ZNF584: variants seen among roughly 807,000 people sequenced by gnomAD.
ZNF584 encodes the protein zinc finger protein 584.
In ZNF584, 12 loss-of-function variants were observed where a neutral mutation model predicts 14.7. The ratio of observed to expected loss-of-function variants is 0.82; its 90% confidence interval spans 0.52 to 1.32. The LOEUF (loss-of-function observed/expected upper bound fraction) is 1.32, where lower values mean the gene tolerates loss of function less well. Among genes scored for constraint, ZNF584 ranks in the 40% most tolerant of loss-of-function variants. The pLI is 0.00. For synonymous variants in ZNF584, 204 were observed against 190.9 expected, an observed-to-expected ratio of 1.07 and a Z score of -0.57; for missense variants, 478 against 518.8, an observed-to-expected ratio of 0.92 and a Z score of 0.76.
At chr19:58,410,546 T>TTTTTTTTTTTTTTTTTTTTTGAGACAG (rs1568584382) in intron 2 of ZNF584, among the ~76,000 whole-genome samples, 1 of 62,510 alleles carries the variant, frequency 1.6e-5, no homozygotes, top group Non-Finnish European at 2.7e-5. Context: ...TATATATATA[T>TTTTTTTTTTTTTTTTTTTTTGAGACAG]ATATATATAT....
upstream of ZNF584, chr19:58,405,627 G>A (rs1294998052): frequency 3.4e-5 from 6 of 177,600 alleles, no homozygotes; most frequent in Non-Finnish European, 7.1e-5. Context: ...TCACTTCTCA[G>A]ACGGGGCAGT....
chr19:58,402,565 G>A (rs1465661857), intron 1 of ZNF584, among the ~76,000 whole-genome samples: 1 of 152,172 alleles, frequency 6.6e-6, no homozygotes, highest in Non-Finnish European at 1.5e-5. Flanking sequence ...GCTCACGCCT[G>A]TAATCCCACC....
At chr19:58,409,310 G>C (rs1033561462) in intron 1 of ZNF584, 145 bp downstream of exon 1, 16 of 1,000,572 alleles carry the variant, frequency 1.6e-5, no homozygotes, top group Non-Finnish European at 1.9e-5. Context: ...GCCCTTGGCA[G>C]TGGGAGCCAT....
At chr19:58,402,649 C>A (rs1170520535) in intron 1 of ZNF584, among the ~76,000 whole-genome samples, 1 of 151,692 alleles carries the variant, frequency 6.6e-6, no homozygotes, top group African/African-American at 2.4e-5. Flanking sequence ...ATGGAGAAAC[C>A]CCATCTGTAC....
At chr19:58,411,789 G>A (rs1391516477) in intron 2 of ZNF584, among the ~76,000 whole-genome samples, 6 of 147,754 alleles carry the variant, frequency 4.1e-5, no homozygotes, top group African/African-American at 9.9e-5. Context: ...GACTATAGGC[G>A]TGCACCACCA....
chr19:58,410,684 T>TAC lies in ZNF584; in HGVS notation c.169+593_169+594insAC, dbSNP rs1491210497. On this transcript the variant is annotated intron_variant, in intron 2 of 3. Coordinates refer to ENST00000306910, the MANE Select transcript of ZNF584 (RefSeq NM_173548.3). ...ATATATGTATATATGTGTATATATA[T>TAC]GTATATATGTATATATATATGTATA... Among the ~76,000 whole-genome samples, 7 of 51,448 alleles carry TAC rather than the reference T, an allele frequency of 1.4e-4. 2 individuals are homozygous for TAC. Among genetic ancestry groups the TAC allele is most frequent in the Non-Finnish European group, 2.4e-4 (7 of 29,716 alleles). The allele number at this position is 51,448 out of a possible 152,430, so 33.8% of individuals were successfully genotyped here. A position where few individuals can be genotyped will look rare whatever the true frequency, so the allele number is the denominator to read the frequency against.
At chr19:58,410,677 ATATATATGTATATATG>A (rs1158576101) in intron 2 of ZNF584, among the ~76,000 whole-genome samples, 1 of 51,720 alleles carries the variant, frequency 1.9e-5, no homozygotes, top group Non-Finnish European at 3.3e-5. Flanking sequence ...ATATATGTGT[ATATATATGTATATATG>A]TATATATATA....
chr19:58,410,029 T>C lies in ZNF584; in HGVS notation c.107T>C (p.Val36Ala). The C allele has an allele frequency of 1.2e-6, 2 of 1,614,000 alleles. No homozygotes were observed. Among genetic ancestry groups the C allele is most frequent in the South Asian group, 2.2e-5 (2 of 91,062 alleles). Residue 36 changes from valine to alanine, a missense_variant, in exon 2 of 4, where the codon GTG becomes GCG. Physicochemically the swap from Val to Ala is moderately conservative, Grantham distance 64 (BLOSUM62 0). Coordinates refer to ENST00000306910, the MANE Select transcript of ZNF584 (RefSeq NM_173548.3). ...AGGGAGGAGTGGGGGCTCCTTAATG[T>C]GACCCAGAAGGGCCTATACCGGGAT... Reference protein sequence around the residue: ...FSREEWGLLNVTQKGLYRDVM... With the variant: ...FSREEWGLLNATQKGLYRDVM...
chr19:58,407,882 C>T (rs955665829), upstream of ZNF584, among the ~76,000 whole-genome samples: 4 of 152,194 alleles, frequency 2.6e-5, no homozygotes, highest in African/African-American at 4.8e-5. Context: ...TACTCACTCT[C>T]CTCTCCCAGG....
rs746205088 is a variant in ZNF584, at chr19:58,415,678, C to T, written c.292+32C>T. On this transcript the variant is annotated intron_variant, in intron 3 of 3. Transcript: ENST00000306910. ...GGAGTGGAGGGGAATACCTTGGTTT[C>T]AGCAGTGGGCTCACAGAATGCTGAG... 10 of 1,608,652 alleles carry T rather than the reference C, an allele frequency of 6.2e-6. No individual in the cohort carries two copies. The Admixed American group carries it at 1.5e-4, about 24-fold the overall frequency.
intron 2 of ZNF584, 77 bp from the exon 3 acceptor site, chr19:58,415,447 T>G (rs1201588286): frequency 6.5e-7 from 1 of 1,540,500 alleles, no homozygotes; most frequent in Non-Finnish European, 8.8e-7. Context: ...ATCTCCTACC[T>G]CACTTTCCAA....
intron 3 of ZNF584, chr19:58,416,323 G>C (rs1340541926): frequency 5.7e-6 from 1 of 176,622 alleles, no homozygotes; most frequent in Non-Finnish European, 1.2e-5. Flanking sequence ...TGCAACCTCT[G>C]CCTCCTGGGT....
Position 58,408,894 on chromosome 19 carries a change from G to T in ZNF584, c.-254G>T. The T allele has an allele frequency of 2.4e-6, 1 of 411,000 alleles. No individual in the cohort carries two copies. 25.5% of individuals were successfully genotyped at this position (411,000 alleles called of 1,614,324 possible). The stretch of plus-strand genomic sequence containing the variant: ...GGGACCTTTGCCGCGCCTTCCACGC[G>T]CCGTGCCCCACCGGCGAGTGGCTCC... On this transcript the variant is annotated 5_prime_UTR_variant, in exon 1 of 4. Transcript: ENST00000306910.
At chr19:58,412,838 C>T (rs1367363920) in intron 2 of ZNF584, among the ~76,000 whole-genome samples, 1 of 152,160 alleles carries the variant, frequency 6.6e-6, no homozygotes, top group African/African-American at 2.4e-5. Flanking sequence ...CTCTTTGTTA[C>T]ATTTGTATTT....
chr19:58,415,995 G>A (rs2052638210), intron 3 of ZNF584: 1 of 1,577,626 alleles, frequency 6.3e-7, no homozygotes, highest in Admixed American at 1.7e-5. Flanking sequence ...CTACTATTTT[G>A]GAATCACATT....
rs1021920181 is a variant in ZNF584, at chr19:58,417,117, C to G, written c.599C>G (p.Ala200Gly). 5 of 1,614,000 alleles carry G rather than the reference C, an allele frequency of 3.1e-6. No homozygotes were observed. The highest frequency in any genetic ancestry group is 4.2e-6 in the Non-Finnish European group (5 of 1,179,874). Reference sequence around the variant, plus strand: ...GGCAGAAGTGCTTTCAAGAAGTCAGCTCATATTAACCCCCGAAAAATTCAC... The same window carrying G: ...GGCAGAAGTGCTTTCAAGAAGTCAGGTCATATTAACCCCCGAAAAATTCAC... ...PTGRSAFKKS[A>G]HINPRKIHTG... The change falls in exon 4 of 4, where the codon GCT (alanine) becomes GGT (glycine). Residue 200 changes from alanine to glycine, a missense_variant. By Grantham distance (60) the Ala-to-Gly change is moderately conservative. Coordinates refer to ENST00000306910, the MANE Select transcript of ZNF584 (RefSeq NM_173548.3).
chr19:58,401,945 T>C (rs4801581), intron 1 of ZNF584, among the ~76,000 whole-genome samples: 54,773 of 136,830 alleles, frequency 0.4, 11,632 homozygotes, highest in Non-Finnish European at 0.49. Context: ...GGCGGGCGCC[T>C]GTAGTCCCAA....
In ZNF584 at chr19:58,416,966, C is replaced by G; in HGVS notation, c.448C>G (p.Gln150Glu). The change falls in exon 4 of 4, where the codon CAA (glutamine) becomes GAA (glutamate). Residue 150 changes from glutamine to glutamate, a missense_variant. Physicochemically the swap from Gln to Glu is conservative, Grantham distance 29. Around this residue, in one of 3 missense-constraint regions of ZNF584, gnomAD observed 6 missense variants for 23.5 expected, o/e 0.26. Transcript: ENST00000306910. ...ACCTGGTTCCAGTTGTGGGCAACAG[C>G]AAGAAGTCCATGTGGCAGAGAAGCT... is the stretch of plus-strand genomic sequence containing the variant. ...FPPGSSCGQQ[Q>E]EVHVAEKLFK... The G allele has an allele frequency of 6.2e-7, 1 of 1,612,494 alleles. No individual in the cohort carries two copies. The highest frequency in any genetic ancestry group is 8.5e-7 in the Non-Finnish European group (1 of 1,179,098).
intron 3 of ZNF584, 152 bp downstream of exon 3, chr19:58,415,798 C>A: frequency 6.2e-7 from 1 of 1,607,646 alleles, no homozygotes; most frequent in Non-Finnish European, 8.5e-7. Context: ...TGCAGTCTGC[C>A]ATCTCTACCA....
Sources: allele counts gnomAD v4.1 joint callset (sites outside exome capture counted in the v4.1 genomes callset), GRCh38; gene constraint gnomAD v4.1.1; regional missense constraint gnomAD v4.1.1; transcripts MANE v1.5; gene names NCBI Gene and HGNC (gene_info 2026-07-23, HGNC 2026-07-21).